Variants in CDK19 observed in about 807,000 individuals in gnomAD.
CDK19 encodes the protein cyclin dependent kinase 19, also known as cyclin-dependent kinase 19.
A neutral mutation model predicts 68.3 loss-of-function variants in CDK19; 20 were observed. The ratio of observed to expected loss-of-function variants is 0.29; its 90% CI spans 0.21 to 0.43. CDK19 has a LOEUF of 0.43. Among genes scored for constraint, CDK19 ranks in the 20% least tolerant of loss-of-function variants. CDK19 has a pLI of 1.00. For synonymous variants in CDK19, 221 were observed against 222.8 expected (o/e 0.99, Z 0.07); for missense variants, 339 against 623.5 (o/e 0.54, Z 4.86).
At chr6:110,708,793 C>T (rs1362956141) in intron 2 of CDK19, among the ~76,000 whole-genome samples, 1 of 152,156 alleles carries the variant, frequency 6.6e-6, no homozygotes, top group Non-Finnish European at 1.5e-5. Flanking sequence ...GACTCACCAC[C>T]TTGGACTAAG....
rs56710819 is a variant in CDK19 at position 110,797,984 on chromosome 6, CAAAAAAAAAAAA to C, written c.128+17013_128+17024del. 2.1e-4 allele frequency among the ~76,000 whole-genome samples: 18 copies of C among 87,224 alleles called. 1 individual carries two copies. Among genetic ancestry groups the C allele is most frequent in the African/African-American group, 7.3e-4 (17 of 23,220 alleles). The allele number at this position is 87,224 out of a possible 152,430, so 57.2% of individuals were successfully genotyped here. ...TGGGCGACAGAGCAAGACTCCGTCT[CAAAAAAAAAAAA>C]AAAAAAAAAGAAAGAAAAAGAAAGA... On this transcript the variant is annotated intron_variant, in intron 1 of 12. Coordinates refer to ENST00000368911, the MANE Select transcript of CDK19 (RefSeq NM_015076.5).
At chr6:110,814,496 C>T in intron 1 of CDK19, 7 of 407,272 alleles carry the variant, frequency 1.7e-5, no homozygotes, top group South Asian at 1.2e-4. Flanking sequence ...CGGTGCCCAG[C>T]GGGTCAGAGC....
At chr6:110,714,923 G>A (rs112113382) in intron 2 of CDK19, among the ~76,000 whole-genome samples, 2,058 of 151,614 alleles carry the variant, frequency 0.014, 60 homozygotes, top group African/African-American at 0.047. Context: ...TAGTAGAAAC[G>A]GGATTTCACC....
intron 1 of CDK19, among the ~76,000 whole-genome samples, chr6:110,753,825 A>G (rs1778650626): frequency 6.6e-6 from 1 of 152,114 alleles, no homozygotes; most frequent in African/African-American, 2.4e-5. Context: ...TTGCACATCA[A>G]TATACTTCAC....
At chr6:110,676,137 T>C (rs986118849) in intron 2 of CDK19, among the ~76,000 whole-genome samples, 15 of 152,158 alleles carry the variant, frequency 9.9e-5, no homozygotes, top group African/African-American at 2.2e-4. Context: ...CCAACCCTCA[T>C]GGATAATTTT....
intron 1 of CDK19, among the ~76,000 whole-genome samples, chr6:110,760,026 T>A (rs1779121458): frequency 6.6e-6 from 1 of 152,148 alleles, no homozygotes; most frequent in South Asian, 2.1e-4. Flanking sequence ...TACTATCCAA[T>A]ACAACACATT....
chr6:110,772,337 G>A (rs2114997778), intron 1 of CDK19, among the ~76,000 whole-genome samples: 1 of 152,166 alleles, frequency 6.6e-6, no homozygotes, highest in South Asian at 2.1e-4. Context: ...GATCTCATGA[G>A]ACTTATTCAC....
chr6:110,726,813 A>G (rs1776347730), intron 2 of CDK19, among the ~76,000 whole-genome samples: 1 of 152,124 alleles, frequency 6.6e-6, no homozygotes, highest in African/African-American at 2.4e-5. Flanking sequence ...AGCAAAAAAT[A>G]TTTACTTCTA....
chr6:110,692,977 A>G (rs1773143464), intron 2 of CDK19, among the ~76,000 whole-genome samples: 1 of 152,232 alleles, frequency 6.6e-6, no homozygotes. Context: ...AGCCTGGGCA[A>G]CAAAGCAAGA....
At chr6:110,639,587 A>G (rs1780000827) in intron 4 of CDK19, among the ~76,000 whole-genome samples, 1 of 152,222 alleles carries the variant, frequency 6.6e-6, no homozygotes, top group African/African-American at 2.4e-5. Flanking sequence ...GGATTGTATA[A>G]TATTAGAAGC....
chr6:110,655,032 G>A (rs529047825), intron 4 of CDK19, among the ~76,000 whole-genome samples: 6 of 151,958 alleles, frequency 3.9e-5, no homozygotes, highest in Admixed American at 2.6e-4. Flanking sequence ...TCTGAATAAC[G>A]GTTTTTAAAA....
At chr6:110,736,898 T>A (rs1045195718) in intron 2 of CDK19, among the ~76,000 whole-genome samples, 13 of 152,062 alleles carry the variant, frequency 8.5e-5, no homozygotes, top group African/African-American at 3.1e-4. Flanking sequence ...AAGAGAAAAA[T>A]AAACACTAAA....
At chr6:110,734,520 G>GCGCTCTCTCTCTCTCTCTCTCTCT (rs1554214772) in intron 2 of CDK19, among the ~76,000 whole-genome samples, 3 of 85,734 alleles carry the variant, frequency 3.5e-5, no homozygotes. Context: ...GGTGAGCACT[G>GCGCTCTCTCTCTCTCTCTCTCTCT]CTCTCTCTCT....
chr6:110,622,190 A>C, intron 10 of CDK19, 24 bp from the exon 11 acceptor site: 1 of 1,460,412 alleles, frequency 6.8e-7, no homozygotes, highest in East Asian at 2.3e-5. Flanking sequence ...AAAAGAAAAA[A>C]CATATCATGA....
intron 1 of CDK19, among the ~76,000 whole-genome samples, chr6:110,792,357 C>T (rs1781656584): frequency 6.6e-6 from 1 of 151,940 alleles, no homozygotes. Context: ...AGTAAAAGAG[C>T]CCATCATCAA....
chr6:110,732,354 T>G (rs1354890292), intron 2 of CDK19, among the ~76,000 whole-genome samples: 1 of 151,910 alleles, frequency 6.6e-6, no homozygotes, highest in East Asian at 1.9e-4. Context: ...CAAAAAAAAT[T>G]TAGCTGGGTA....
At chr6:110,652,673 C>T (rs1382341118) in intron 4 of CDK19, among the ~76,000 whole-genome samples, 1 of 152,176 alleles carries the variant, frequency 6.6e-6, no homozygotes, top group Admixed American at 6.5e-5. Flanking sequence ...GGTTTTAGAT[C>T]ACTCAGCTAT....
chr6:110,729,983 G>C (rs1001993233), intron 2 of CDK19, among the ~76,000 whole-genome samples: 3 of 152,164 alleles, frequency 2.0e-5, no homozygotes, highest in African/African-American at 4.8e-5. Context: ...CTCAGACTGA[G>C]AGTAATAGAT....
intron 2 of CDK19, among the ~76,000 whole-genome samples, chr6:110,674,297 C>T (rs1771285450): frequency 1.3e-5 from 2 of 152,186 alleles, no homozygotes; most frequent in South Asian, 4.1e-4. Flanking sequence ...TGAAATCAGG[C>T]CAACTAATAA....
Sources: allele counts gnomAD v4.1 joint callset (sites outside exome capture counted in the v4.1 genomes callset), GRCh38; gene constraint gnomAD v4.1.1; transcripts MANE v1.5; gene names NCBI Gene and HGNC (gene_info 2026-07-23, HGNC 2026-07-21).